TTC29: variants seen among roughly 807,000 people sequenced by gnomAD.
TTC29 encodes the protein tetratricopeptide repeat protein 29.
In TTC29, 49 loss-of-function variants were observed where a neutral mutation model predicts 58.1. The ratio of observed to expected loss-of-function variants is 0.84; its 90% confidence interval spans 0.67 to 1.07. The LOEUF is 1.07. Ranked by LOEUF, TTC29 falls within the 50% of genes least tolerant of loss-of-function variation. TTC29 has a pLI of 0.00. For missense variants in TTC29, 582 were observed against 555.6 expected (o/e 1.05, Z -0.48); for synonymous variants, 209 against 196.8 (o/e 1.06, Z -0.52).
At chr4:146,707,312 C>T in intron 12 of TTC29, 124 bp from the exon 13 acceptor site, 1 of 792,504 alleles carries the variant, frequency 1.3e-6, no homozygotes, top group South Asian at 2.2e-5. Context: ...AAATACTTAA[C>T]CTTATGTGAC....
intron 11 of TTC29, among the ~76,000 whole-genome samples, chr4:146,732,533 T>C (rs1453872295): frequency 2.0e-5 from 3 of 152,144 alleles, no homozygotes; most frequent in Admixed American, 1.3e-4. Flanking sequence ...ATGCTTAAAA[T>C]TGGCTTTGTG....
chr4:146,774,763 G>A (rs1469776590), intron 11 of TTC29, among the ~76,000 whole-genome samples: 2 of 152,036 alleles, frequency 1.3e-5, no homozygotes, highest in African/African-American at 4.8e-5. Context: ...TTCAGGCCCT[G>A]AATATCTTTG....
intron 11 of TTC29, among the ~76,000 whole-genome samples, chr4:146,794,430 C>T (rs1026570504): frequency 2.0e-5 from 3 of 151,986 alleles, no homozygotes; most frequent in South Asian, 2.1e-4. Context: ...AGTTTATTTC[C>T]CCTTTTCCAT....
In TTC29 at chr4:146,907,565, C is replaced by A. The variant is rs535097272; in HGVS notation, c.400+1461G>T. On this transcript the variant is annotated intron_variant, in intron 5 of 12. Transcript: ENST00000325106. ...CCAAGCTGGAGCGCAATGGAGCAAT[C>A]TCAGCTCACTGCAACTTTTGTCTCT... Among the ~76,000 whole-genome samples, 88 of 152,332 alleles carry A rather than the reference C, an allele frequency of 5.8e-4. 2 individuals are homozygous for A. In the South Asian group the frequency reaches 0.018, roughly 30 times the overall value.
At chr4:146,801,708 G>A (rs1750231611) in intron 11 of TTC29, among the ~76,000 whole-genome samples, 1 of 152,038 alleles carries the variant, frequency 6.6e-6, no homozygotes, top group African/African-American at 2.4e-5. Flanking sequence ...AAGGTGCAGT[G>A]GCTCACGCCT....
intron 11 of TTC29, among the ~76,000 whole-genome samples, chr4:146,794,945 C>G (rs1183126962): frequency 2.6e-5 from 4 of 152,086 alleles, no homozygotes; most frequent in Non-Finnish European, 5.9e-5. Flanking sequence ...TTTTAGGTAT[C>G]TGATTTCATA....
intron 4 of TTC29, among the ~76,000 whole-genome samples, chr4:146,935,287 T>C (rs1735700226): frequency 6.6e-6 from 1 of 152,114 alleles, no homozygotes; most frequent in African/African-American, 2.4e-5. Flanking sequence ...ATTTTGAAAC[T>C]AGACAGAGCA....
At chr4:146,795,439 T>C (rs903764177) in intron 11 of TTC29, among the ~76,000 whole-genome samples, 5 of 152,136 alleles carry the variant, frequency 3.3e-5, no homozygotes, top group Non-Finnish European at 7.4e-5. Context: ...AAGTGAAATA[T>C]GTATCCAGGG....
intron 11 of TTC29, among the ~76,000 whole-genome samples, chr4:146,788,249 G>A (rs539715571): frequency 4.6e-5 from 7 of 152,254 alleles, no homozygotes; most frequent in Non-Finnish European, 1.0e-4. Context: ...ATTGATGAGA[G>A]ATGATTTCTT....
chr4:146,828,299 A>C (rs964899719), intron 9 of TTC29, among the ~76,000 whole-genome samples: 1 of 152,114 alleles, frequency 6.6e-6, no homozygotes, highest in Non-Finnish European at 1.5e-5. Flanking sequence ...CTTGAGTATA[A>C]AATATTAATA....
intron 4 of TTC29, among the ~76,000 whole-genome samples, chr4:146,926,987 C>T (rs539891702): frequency 6.7e-6 from 1 of 150,084 alleles, no homozygotes; most frequent in South Asian, 2.1e-4. Context: ...ATTCCACCTA[C>T]TCAGGAGGCT....
chr4:146,806,031 A>T (rs1222929585), intron 10 of TTC29, among the ~76,000 whole-genome samples: 1 of 152,206 alleles, frequency 6.6e-6, no homozygotes, highest in Admixed American at 6.5e-5. Context: ...CTAACAGCGG[A>T]TCTCTCTGGA....
rs562663104 is a variant in TTC29, at chr4:146,843,796, A to C, written c.886-9899T>G. Among the ~76,000 whole-genome samples the C allele has an allele frequency of 2.0e-4, 30 of 152,330 alleles. No individual in the cohort carries two copies. The South Asian group carries it at 6.2e-3, about 32-fold the overall frequency. On this transcript the variant is annotated intron_variant, in intron 8 of 12. Coordinates refer to ENST00000325106, the MANE Select transcript of TTC29 (RefSeq NM_031956.4). ...TCAAAATTCCTGATCAATTTACTTTATCTCTTTAAACTTTCTCTGTAAGAA... is the reference window on the plus strand; with the variant it reads ...TCAAAATTCCTGATCAATTTACTTTCTCTCTTTAAACTTTCTCTGTAAGAA...
chr4:146,802,710 T>A (rs1025648643), intron 11 of TTC29, among the ~76,000 whole-genome samples: 13 of 152,204 alleles, frequency 8.5e-5, no homozygotes, highest in Admixed American at 3.9e-4. Context: ...ATGATTCCAT[T>A]TGAGTTATGC....
At chr4:146,718,446 T>A (rs973667115) in intron 11 of TTC29, among the ~76,000 whole-genome samples, 21 of 152,324 alleles carry the variant, frequency 1.4e-4, no homozygotes, top group African/African-American at 4.6e-4. Context: ...TGACTTTAGT[T>A]TACTAGTGAT....
At chr4:146,719,151 G>T (rs1252051181) in intron 11 of TTC29, among the ~76,000 whole-genome samples, 2 of 150,516 alleles carry the variant, frequency 1.3e-5, no homozygotes, top group African/African-American at 4.9e-5. Flanking sequence ...GATGCCTCCA[G>T]ATTTGTTCTT....
At chr4:146,917,617 A>ACATTATATATTATTTATATAATATT (rs1250048875) in intron 4 of TTC29, among the ~76,000 whole-genome samples, 2 of 143,150 alleles carry the variant, frequency 1.4e-5, no homozygotes, top group Non-Finnish European at 1.5e-5. Context: ...TTTATAATAT[A>ACATTATATATTATTTATATAATATT]TAATTAGATA....
At chr4:146,721,253 G>A (rs568950250) in intron 11 of TTC29, among the ~76,000 whole-genome samples, 16 of 152,118 alleles carry the variant, frequency 1.1e-4, no homozygotes, top group African/African-American at 2.6e-4. Context: ...CAGCTTAATC[G>A]GTGGGTCAAA....
At chr4:146,912,385 A>C (rs1357390400) in intron 4 of TTC29, among the ~76,000 whole-genome samples, 1 of 152,238 alleles carries the variant, frequency 6.6e-6, no homozygotes, top group African/African-American at 2.4e-5. Flanking sequence ...ATTCTAAAAA[A>C]AAATTTCTTG....
Sources: allele counts gnomAD v4.1 joint callset (sites outside exome capture counted in the v4.1 genomes callset), GRCh38; gene constraint gnomAD v4.1.1; transcripts MANE v1.5; gene names NCBI Gene and HGNC (gene_info 2026-07-23, HGNC 2026-07-21).